The following SPOPL variants were observed in gnomAD, a reference collection of about 807,000 sequenced individuals.
The protein encoded by SPOPL is speckle type BTB/POZ protein like.
SPOPL carries 23 observed loss-of-function variants against 53.8 expected under a neutral mutation model. The ratio of observed to expected loss-of-function variants is 0.43; its 90% confidence interval spans 0.31 to 0.61. The LOEUF is 0.61. Among genes scored for constraint, SPOPL ranks in the 20% least tolerant of loss-of-function variants. The pLI is 0.12. For missense variants in SPOPL, 442 were observed against 466.9 expected, an observed-to-expected ratio of 0.95 and a Z score of 0.49; for synonymous variants, 164 against 149.7, an observed-to-expected ratio of 1.10 and a Z score of -0.70.
chr2:138,569,778 T>C lies in SPOPL; in HGVS notation c.*698T>C, dbSNP rs1363824197. The C allele has an allele frequency of 6.6e-6, 1 of 152,628 alleles. No individual in the cohort carries two copies. The highest frequency in any genetic ancestry group is 1.5e-5 in the Non-Finnish European group (1 of 68,034). The allele number at this position is 152,628 out of a possible 1,614,324, so 9.5% of individuals were successfully genotyped here. ...AGAACTGATTGAGGTTAAGATTTCA[T>C]GAAGAAAGCATGTATTGTGTGGAAG... On this transcript the variant is annotated 3_prime_UTR_variant, in exon 11 of 11. Coordinates refer to ENST00000280098, the MANE Select transcript of SPOPL (RefSeq NM_001001664.3).
At chr2:138,554,613 C>A in intron 5 of SPOPL, 1 of 856,832 alleles carries the variant, frequency 1.2e-6, no homozygotes, top group African/African-American at 1.8e-5. Flanking sequence ...TTAAAGTAGC[C>A]AGAGATAGAG....
At chr2:138,539,417 T>C (rs1685013003) in intron 1 of SPOPL, among the ~76,000 whole-genome samples, 3 of 151,986 alleles carry the variant, frequency 2.0e-5, no homozygotes, top group Admixed American at 1.3e-4. Context: ...ACCTGTTGTT[T>C]CCTGACTTTT....
intron 1 of SPOPL, among the ~76,000 whole-genome samples, chr2:138,531,010 A>G (rs1047989121): frequency 6.6e-6 from 1 of 151,570 alleles, no homozygotes; most frequent in African/African-American, 2.4e-5. Context: ...TTCATCTTGA[A>G]TGGGTACTGA....
intron 1 of SPOPL, among the ~76,000 whole-genome samples, chr2:138,524,258 C>T (rs781160815): frequency 2.0e-4 from 31 of 152,280 alleles, no homozygotes; most frequent in Middle Eastern, 3.4e-3. Context: ...ACAGCTGGAG[C>T]GGCTGGGACC....
chr2:138,545,939 T>A (rs964190680), intron 1 of SPOPL, among the ~76,000 whole-genome samples: 1 of 152,208 alleles, frequency 6.6e-6, no homozygotes, highest in African/African-American at 2.4e-5. Flanking sequence ...TTAAAGAATG[T>A]CAAGAAATTT....
Position 138,572,547 on chromosome 2 carries a change from T to G in SPOPL, c.*3467T>G, listed in dbSNP as rs1685810513. ...TACTTGGCTTAGAGCCAAGTATACT[T>G]GAAGAGGTGAATTATTCTGACTTGG... On this transcript the variant is annotated 3_prime_UTR_variant, in exon 11 of 11. Transcript: ENST00000280098. 6.6e-6 allele frequency: 1 copy of G among 152,526 alleles called. No individual in the cohort carries two copies. Among genetic ancestry groups the G allele is most frequent in the African/African-American group, 2.4e-5 (1 of 41,442 alleles). 9.4% of individuals were successfully genotyped at this position (152,526 alleles called of 1,614,324 possible).
At chr2:138,543,298 G>A (rs1573894012) in intron 1 of SPOPL, among the ~76,000 whole-genome samples, 2 of 152,318 alleles carry the variant, frequency 1.3e-5, no homozygotes, top group South Asian at 4.1e-4. Context: ...CTAGATTGGG[G>A]AAGTTCTCCT....
In SPOPL at chr2:138,573,310, CA is replaced by C. The variant is rs1685824416; in HGVS notation, c.*4231del. ...TTGGTATGATGCTTTGCAAAAGAGC[CA>C]TGTATTTGATACGGTAAATCATGCA... On this transcript the variant is annotated 3_prime_UTR_variant, in exon 11 of 11. Transcript: ENST00000280098. The C allele has an allele frequency of 6.6e-6, 1 of 152,096 alleles. No homozygotes were observed. The highest frequency in any genetic ancestry group is 2.1e-4 in the South Asian group (1 of 4,822). The allele number at this position is 152,096 out of a possible 1,614,324, so 9.4% of individuals were successfully genotyped here. A position where few individuals can be genotyped will look rare whatever the true frequency, so the allele number is the denominator to read the frequency against.
In SPOPL at chr2:138,572,270, A is replaced by G. The variant is rs182135264; in HGVS notation, c.*3190A>G. ...ACAGTGCCTTTTTAGGACATCAATT[A>G]TAATAAAATTGTTTTAAAATATTAA... is the stretch of plus-strand genomic sequence containing the variant. On this transcript the variant is annotated 3_prime_UTR_variant, in exon 11 of 11. Transcript: ENST00000280098. 1.3e-5 allele frequency: 2 copies of G among 152,732 alleles called. 1 individual carries two copies. Among genetic ancestry groups the G allele is most frequent in the Non-Finnish European group, 2.9e-5 (2 of 68,016 alleles). 9.5% of individuals were successfully genotyped at this position (152,732 alleles called of 1,614,324 possible). A position where few individuals can be genotyped will look rare whatever the true frequency, so the allele number is the denominator to read the frequency against.
chr2:138,509,858 T>C (rs1279296629), intron 1 of SPOPL, among the ~76,000 whole-genome samples: 3 of 152,212 alleles, frequency 2.0e-5, no homozygotes, highest in Non-Finnish European at 4.4e-5. Context: ...ATGACATCTA[T>C]CTACCATTAT....
Position 138,564,777 on chromosome 2 carries a change from G to T in SPOPL, c.907G>T (p.Ala303Ser). The T allele has an allele frequency of 6.2e-7, 1 of 1,614,136 alleles. No homozygotes were observed. The highest frequency in any genetic ancestry group is 8.5e-7 in the Non-Finnish European group (1 of 1,180,010). ...TAGTAACCTCTCAGTAGAGAATGTTGCAGATACCCTTGTCCTTGCAGATTT... is the reference window on the plus strand; with the variant it reads ...TAGTAACCTCTCAGTAGAGAATGTTTCAGATACCCTTGTCCTTGCAGATTT... ...LCSNLSVENV[A>S]DTLVLADLHS... Residue 303 changes from alanine (A) to serine (S), a missense_variant, in exon 9 of 11, where the codon GCA becomes TCA. Coordinates refer to ENST00000280098, the MANE Select transcript of SPOPL (RefSeq NM_001001664.3).
At chr2:138,558,018 G>A (rs976964977) in intron 5 of SPOPL, among the ~76,000 whole-genome samples, 11 of 151,930 alleles carry the variant, frequency 7.2e-5, no homozygotes, top group Non-Finnish European at 1.3e-4. Context: ...AAATTAGCTG[G>A]GTGTGGTGGT....
At chr2:138,508,192 A>G (rs939420103) in intron 1 of SPOPL, among the ~76,000 whole-genome samples, 3 of 152,228 alleles carry the variant, frequency 2.0e-5, no homozygotes, top group Admixed American at 1.3e-4. Context: ...CATGGGTAGA[A>G]TACAATTTAT....
chr2:138,543,732 A>G (rs1685127089), intron 1 of SPOPL, among the ~76,000 whole-genome samples: 1 of 151,406 alleles, frequency 6.6e-6, no homozygotes, highest in African/African-American at 2.4e-5. Context: ...TCTTCTCTCA[A>G]CTCGTCAAAG....
intron 1 of SPOPL, among the ~76,000 whole-genome samples, chr2:138,529,494 GTGCC>G (rs1303887071): frequency 1.8e-5 from 2 of 109,322 alleles, no homozygotes; most frequent in African/African-American, 6.0e-5. Context: ...GTGTATGCAT[GTGCC>G]TGTGTGTGTG....
intron 1 of SPOPL, among the ~76,000 whole-genome samples, chr2:138,542,089 G>C (rs2104883722): frequency 6.6e-6 from 1 of 152,306 alleles, no homozygotes; most frequent in Admixed American, 6.5e-5. Flanking sequence ...TGATTGCACT[G>C]TGGTCTGAGA....
At chr2:138,561,607 G>A (rs1433767628) in intron 8 of SPOPL, among the ~76,000 whole-genome samples, 1 of 152,118 alleles carries the variant, frequency 6.6e-6, no homozygotes, top group East Asian at 1.9e-4. Context: ...GACCAAGTGT[G>A]TATATGGAAT....
chr2:138,505,722 CT>C (rs1378241951), intron 1 of SPOPL, among the ~76,000 whole-genome samples: 1 of 151,496 alleles, frequency 6.6e-6, no homozygotes, highest in African/African-American at 2.4e-5. Flanking sequence ...TTGCAGTGAG[CT>C]GCACTCCAAC....
intron 1 of SPOPL, among the ~76,000 whole-genome samples, chr2:138,503,919 G>GT (rs1454764936): frequency 1.3e-5 from 2 of 152,110 alleles, no homozygotes; most frequent in Non-Finnish European, 2.9e-5. Flanking sequence ...CTCTTAATGT[G>GT]TTATGTTCAT....
Sources: allele counts gnomAD v4.1 joint callset (sites outside exome capture counted in the v4.1 genomes callset), GRCh38; gene constraint gnomAD v4.1.1; transcripts MANE v1.5; gene names NCBI Gene and HGNC (gene_info 2026-07-23, HGNC 2026-07-21).